Variants in LUZP2 observed in about 807,000 individuals in gnomAD.
LUZP2 encodes leucine zipper protein 2.
In LUZP2, 52 loss-of-function variants were observed where a neutral mutation model predicts 51.6. The ratio of observed to expected loss-of-function variants is 1.01; its 90% CI spans 0.81 to 1.27. LUZP2 has a LOEUF of 1.27. LUZP2 is among the 50% of genes most tolerant of loss of function. The probability of loss-of-function intolerance (pLI) is 0.00; values close to 1 mark genes in which losing one functional copy is unlikely to be tolerated. For synonymous variants in LUZP2, 154 were observed against 137.3 expected, an observed-to-expected ratio of 1.12 and a Z score of -0.85; for missense variants, 436 against 395.4, an observed-to-expected ratio of 1.10 and a Z score of -0.87.
At chr11:24,810,287 G>T (rs1247927752) in intron 5 of LUZP2, among the ~76,000 whole-genome samples, 1 of 151,954 alleles carries the variant, frequency 6.6e-6, no homozygotes, top group African/African-American at 2.4e-5. Flanking sequence ...CATTTTTCCT[G>T]TCATATTTAG....
At chr11:24,752,824 G>T (rs1184512366) in intron 4 of LUZP2, among the ~76,000 whole-genome samples, 1 of 151,958 alleles carries the variant, frequency 6.6e-6, no homozygotes, top group Non-Finnish European at 1.5e-5. Flanking sequence ...GAAATCATGA[G>T]AAATTAAAAT....
At chr11:24,597,423 C>T (rs1243498353) in intron 1 of LUZP2, among the ~76,000 whole-genome samples, 11 of 152,128 alleles carry the variant, frequency 7.2e-5, no homozygotes, top group Non-Finnish European at 1.6e-4. Flanking sequence ...TCGTAGTCAG[C>T]GTACAGCCTA....
At chr11:24,984,875 GTTTAC>G (rs1487669596) in intron 9 of LUZP2, among the ~76,000 whole-genome samples, 1 of 151,350 alleles carries the variant, frequency 6.6e-6, no homozygotes, top group Non-Finnish European at 1.5e-5. Context: ...ACAGCTGAGT[GTTTAC>G]TACTCTTGGC....
intron 9 of LUZP2, among the ~76,000 whole-genome samples, chr11:25,031,499 A>G (rs536438423): frequency 3.3e-5 from 5 of 152,262 alleles, no homozygotes; most frequent in African/African-American, 7.2e-5. Flanking sequence ...TCTCATTCCA[A>G]ATAGCTTATT....
At chr11:24,766,502 G>A (rs759338281) in intron 5 of LUZP2, among the ~76,000 whole-genome samples, 5 of 152,168 alleles carry the variant, frequency 3.3e-5, no homozygotes, top group Non-Finnish European at 7.3e-5. Context: ...GATAGTTATT[G>A]CATTAAAACT....
chr11:24,913,595 A>T (rs1364612826), intron 6 of LUZP2, among the ~76,000 whole-genome samples: 3 of 152,074 alleles, frequency 2.0e-5, no homozygotes, highest in African/African-American at 7.2e-5. Context: ...AAATGATGAT[A>T]CTAATTTATA....
chr11:24,520,442 G>C (rs1009517017), intron 1 of LUZP2, among the ~76,000 whole-genome samples: 1 of 152,182 alleles, frequency 6.6e-6, no homozygotes, highest in Non-Finnish European at 1.5e-5. Flanking sequence ...CTGTTTTTCT[G>C]TCTGGAGAAA....
intron 1 of LUZP2, among the ~76,000 whole-genome samples, chr11:24,666,319 C>T (rs190820918): frequency 1.2e-4 from 19 of 152,256 alleles, no homozygotes; most frequent in African/African-American, 4.3e-4. Flanking sequence ...AGAAGAAATA[C>T]ATGGGTGCCT....
chr11:24,528,416 A>T (rs2133818367), intron 1 of LUZP2, among the ~76,000 whole-genome samples: 1 of 151,418 alleles, frequency 6.6e-6, no homozygotes, highest in South Asian at 2.1e-4. Flanking sequence ...GATTATTTGG[A>T]TTATATTTTA....
chr11:24,819,752 TTATAA>T (rs1321369675), intron 5 of LUZP2, among the ~76,000 whole-genome samples: 1 of 144,246 alleles, frequency 6.9e-6, no homozygotes, highest in Admixed American at 6.8e-5. Context: ...TCACAATAAC[TTATAA>T]TAGGCTAGTT....
At chr11:24,936,282 A>G (rs956860976) in intron 7 of LUZP2, among the ~76,000 whole-genome samples, 1 of 152,210 alleles carries the variant, frequency 6.6e-6, no homozygotes, top group Non-Finnish European at 1.5e-5. Flanking sequence ...TTAAATCATT[A>G]TACTTGTACA....
At chr11:24,583,109 GT>G (rs1304810303) in intron 1 of LUZP2, among the ~76,000 whole-genome samples, 1 of 151,880 alleles carries the variant, frequency 6.6e-6, no homozygotes, top group African/African-American at 2.4e-5. Flanking sequence ...ATTATGTATA[GT>G]TTTTGTAATG....
At chr11:24,503,749 T>A (rs1247668763) in intron 1 of LUZP2, among the ~76,000 whole-genome samples, 1 of 152,182 alleles carries the variant, frequency 6.6e-6, no homozygotes, top group Non-Finnish European at 1.5e-5. Flanking sequence ...CTTTCCACTA[T>A]ATTCATTCTG....
intron 1 of LUZP2, among the ~76,000 whole-genome samples, chr11:24,599,362 C>T (rs911075637): frequency 2.0e-5 from 3 of 152,106 alleles, no homozygotes; most frequent in African/African-American, 7.2e-5. Context: ...ATCACTGCCC[C>T]GAGATCATCT....
At chr11:24,848,093 G>T (rs2631465) in intron 5 of LUZP2, among the ~76,000 whole-genome samples, 23,237 of 151,758 alleles carry the variant, frequency 0.15, 1,941 homozygotes, top group African/African-American at 0.2. Context: ...ATTGCTACTG[G>T]GTGTCATTAG....
At chr11:24,739,106 C>A (rs1329745415) in intron 4 of LUZP2, among the ~76,000 whole-genome samples, 1 of 152,058 alleles carries the variant, frequency 6.6e-6, no homozygotes, top group East Asian at 1.9e-4. Flanking sequence ...TAGCTGCACA[C>A]CACAGAGGGG....
chr11:24,583,879 ATTT>A (rs35895335), intron 1 of LUZP2, among the ~76,000 whole-genome samples: 5 of 141,326 alleles, frequency 3.5e-5, no homozygotes, highest in Admixed American at 7.0e-5. Context: ...AATTTTTTGT[ATTT>A]TTTTTTTTTT....
intron 4 of LUZP2, among the ~76,000 whole-genome samples, chr11:24,740,244 T>C (rs1357935768): frequency 1.3e-5 from 2 of 152,194 alleles, no homozygotes; most frequent in African/African-American, 4.8e-5. Flanking sequence ...AGGCATGAAC[T>C]CATAATTATT....
intron 1 of LUZP2, among the ~76,000 whole-genome samples, chr11:24,548,853 A>G (rs1416092725): frequency 1.3e-5 from 2 of 152,072 alleles, no homozygotes; most frequent in Non-Finnish European, 2.9e-5. Flanking sequence ...TATGAGAAGT[A>G]TTTCATATTC....
Sources: allele counts gnomAD v4.1 joint callset (sites outside exome capture counted in the v4.1 genomes callset), GRCh38; gene constraint gnomAD v4.1.1; transcripts MANE v1.5; gene names NCBI Gene and HGNC (gene_info 2026-07-23, HGNC 2026-07-21).